Variants in DDX10 observed in about 807,000 individuals in gnomAD.
DDX10 encodes probable ATP-dependent RNA helicase DDX10.
In DDX10, 74 loss-of-function variants were observed where a neutral mutation model predicts 104.3. The observed-to-expected ratio is 0.71, with a 90% CI of 0.59 to 0.86. The LOEUF (loss-of-function observed/expected upper bound fraction) is 0.86, where lower values mean the gene tolerates loss of function less well. Ranked by LOEUF, DDX10 falls within the 40% of genes least tolerant of loss-of-function variation. The pLI is 0.00. For synonymous variants in DDX10, 351 were observed against 353.4 expected (o/e 0.99, Z 0.08); for missense variants, 952 against 1,040.0 (o/e 0.92, Z 1.16).
intron 13 of DDX10, among the ~76,000 whole-genome samples, chr11:108,768,604 A>T (rs1283520657): frequency 6.6e-6 from 1 of 152,200 alleles, no homozygotes; most frequent in South Asian, 2.1e-4. Context: ...TTTTGTGGTT[A>T]TCTTTGATGT....
chr11:108,711,170 C>G (rs1243752567), intron 10 of DDX10, among the ~76,000 whole-genome samples: 2 of 152,224 alleles, frequency 1.3e-5, no homozygotes, highest in Admixed American at 6.5e-5. Flanking sequence ...ATAAATTTCC[C>G]TCTAAGTACT....
intron 15 of DDX10, among the ~76,000 whole-genome samples, chr11:108,846,051 A>G (rs544318387): frequency 6.6e-6 from 1 of 152,324 alleles, no homozygotes; most frequent in South Asian, 2.1e-4. Context: ...ATGTGATTCA[A>G]GTAAATCTTT....
intron 6 of DDX10, among the ~76,000 whole-genome samples, chr11:108,681,806 C>T (rs1413269639): frequency 6.6e-6 from 1 of 152,130 alleles, no homozygotes; most frequent in Non-Finnish European, 1.5e-5. Context: ...TGAAAAATTT[C>T]AAATTTGAGA....
rs777609897 is a variant in DDX10 at position 108,918,023 on chromosome 11, G to T, written c.2450+5G>T. On this transcript the variant is annotated splice_donor_5th_base_variant and intron_variant, in intron 17 of 17. Transcript: ENST00000322536. ...AGATATGGAAAATAAAATAAGGTAT[G>T]TTTTTACTATGGGTATGAAATACAT... 2 of 1,612,058 alleles carry T rather than the reference G, an allele frequency of 1.2e-6. No homozygotes were observed. Among genetic ancestry groups the T allele is most frequent in the East Asian group, 4.5e-5 (2 of 44,822 alleles).
chr11:108,715,204 A>G (rs2094289853), intron 10 of DDX10, among the ~76,000 whole-genome samples: 1 of 152,092 alleles, frequency 6.6e-6, no homozygotes, highest in African/African-American at 2.4e-5. Flanking sequence ...ATTTGACTGA[A>G]ACAGAAACAT....
intron 16 of DDX10, among the ~76,000 whole-genome samples, chr11:108,857,929 T>C (rs995974556): frequency 6.6e-6 from 1 of 152,184 alleles, no homozygotes; most frequent in Non-Finnish European, 1.5e-5. Context: ...GGTGGCTGCA[T>C]TGAGAAACAG....
At chr11:108,844,307 C>A (rs746153881) in intron 15 of DDX10, among the ~76,000 whole-genome samples, 4 of 152,088 alleles carry the variant, frequency 2.6e-5, no homozygotes, top group Non-Finnish European at 5.9e-5. Context: ...TTTCTCTATT[C>A]GACTGATATA....
intron 13 of DDX10, among the ~76,000 whole-genome samples, chr11:108,748,326 C>T (rs958540197): frequency 9.2e-5 from 14 of 152,128 alleles, no homozygotes; most frequent in African/African-American, 3.4e-4. Context: ...CAAATTATTA[C>T]AGGGGACTTT....
intron 13 of DDX10, among the ~76,000 whole-genome samples, chr11:108,734,980 T>C (rs1027834849): frequency 6.6e-6 from 1 of 152,238 alleles, no homozygotes; most frequent in Non-Finnish European, 1.5e-5. Context: ...TGTGTATCTG[T>C]ACCTGAACTT....
chr11:108,899,029 T>C (rs1469890300), intron 16 of DDX10, among the ~76,000 whole-genome samples: 2 of 152,234 alleles, frequency 1.3e-5, no homozygotes, highest in East Asian at 3.8e-4. Flanking sequence ...GAAATCCTAG[T>C]ATTTTCAAAT....
chr11:108,839,847 A>G (rs1292322063), intron 14 of DDX10, among the ~76,000 whole-genome samples: 1 of 152,204 alleles, frequency 6.6e-6, no homozygotes, highest in Admixed American at 6.5e-5. Context: ...TCTGATGTTC[A>G]CTGTAAAATG....
At chr11:108,921,438 T>A (rs1384787225) in intron 17 of DDX10, 2 of 152,208 alleles carry the variant, frequency 1.3e-5, no homozygotes, top group African/African-American at 4.8e-5. Flanking sequence ...GCTGTATGAT[T>A]ACGTGCTAAG....
At chr11:108,768,648 A>T (rs1671039672) in intron 13 of DDX10, among the ~76,000 whole-genome samples, 1 of 152,214 alleles carries the variant, frequency 6.6e-6, no homozygotes, top group South Asian at 2.1e-4. Flanking sequence ...TAAGTCTAAG[A>T]TTAAGCAATA....
chr11:108,749,050 G>GTC (rs974317871), intron 13 of DDX10, among the ~76,000 whole-genome samples: 87 of 148,682 alleles, frequency 5.9e-4, no homozygotes, highest in African/African-American at 1.4e-3. Flanking sequence ...AGACAACCAT[G>GTC]TCTCTCTCTC....
intron 14 of DDX10, among the ~76,000 whole-genome samples, chr11:108,840,953 T>C (rs73009378): frequency 0.019 from 2,868 of 152,328 alleles, 44 homozygotes; most frequent in Non-Finnish European, 0.033. Context: ...GCCTGTGTCC[T>C]ACTCAGCCCG....
chr11:108,801,299 C>T (rs1462761382), intron 13 of DDX10, among the ~76,000 whole-genome samples: 2 of 152,228 alleles, frequency 1.3e-5, no homozygotes, highest in Non-Finnish European at 2.9e-5. Flanking sequence ...ATTTTGTAAA[C>T]TGCCATAGAA....
At chr11:108,680,807 A>G (rs187734523) in intron 6 of DDX10, among the ~76,000 whole-genome samples, 11 of 152,312 alleles carry the variant, frequency 7.2e-5, no homozygotes, top group African/African-American at 2.4e-4. Flanking sequence ...TTGACCTTGT[A>G]TAATGTATGT....
chr11:108,860,669 C>A (rs1487498755), intron 16 of DDX10: 4 of 152,142 alleles, frequency 2.6e-5, no homozygotes, highest in African/African-American at 9.7e-5. Context: ...CCTTACCCTC[C>A]CAAGTAGCTG....
chr11:108,737,475 C>G (rs1225643323), intron 13 of DDX10, among the ~76,000 whole-genome samples: 1 of 152,108 alleles, frequency 6.6e-6, no homozygotes, highest in African/African-American at 2.4e-5. Flanking sequence ...TGATTGAAAA[C>G]AGTGATGTTT....
Sources: allele counts gnomAD v4.1 joint callset (sites outside exome capture counted in the v4.1 genomes callset), GRCh38; gene constraint gnomAD v4.1.1; transcripts MANE v1.5; gene names NCBI Gene and HGNC (gene_info 2026-07-23, HGNC 2026-07-21).